The following PSD3 variants were observed in gnomAD, a reference collection of about 807,000 sequenced individuals.
The protein encoded by PSD3 is PH and SEC7 domain-containing protein 3.
Under a neutral mutation model 105.5 loss-of-function variants are expected in PSD3, and 49 were observed. That is an observed-to-expected ratio of 0.46 (90% confidence interval 0.37 to 0.59). The LOEUF (loss-of-function observed/expected upper bound fraction) is 0.59, where lower values mean the gene tolerates loss of function less well. PSD3 is among the 20% of genes least tolerant of loss of function. The pLI, the probability that PSD3 is intolerant of heterozygous loss-of-function variation, is 0.00. For missense variants in PSD3, 1,561 were observed against 1,263.8 expected, an observed-to-expected ratio of 1.24 and a Z score of -3.57; for synonymous variants, 557 against 457.8, an observed-to-expected ratio of 1.22 and a Z score of -2.77.
At chr8:18,990,822 C>T (rs1239377805) in intron 1 of PSD3, among the ~76,000 whole-genome samples, 1 of 152,182 alleles carries the variant, frequency 6.6e-6, no homozygotes, top group Non-Finnish European at 1.5e-5. Flanking sequence ...ATCACATTCA[C>T]GAACAGATCA....
chr8:18,851,339 C>A (rs1815543987), intron 4 of PSD3, among the ~76,000 whole-genome samples: 1 of 152,172 alleles, frequency 6.6e-6, no homozygotes, highest in African/African-American at 2.4e-5. Context: ...TACCTCCACC[C>A]AAAGATATTC....
chr8:18,850,805 G>A (rs1010707212), intron 4 of PSD3, among the ~76,000 whole-genome samples: 19 of 152,142 alleles, frequency 1.2e-4, no homozygotes, highest in African/African-American at 4.3e-4. Flanking sequence ...AGCAGAGTTG[G>A]ACCAACAGAG....
At chr8:18,879,834 G>C (rs1371795171) in intron 2 of PSD3, among the ~76,000 whole-genome samples, 1 of 13,192 alleles carries the variant, frequency 7.6e-5, no homozygotes, top group Non-Finnish European at 1.3e-4. Context: ...CTGGGCTCAA[G>C]TGATCCTCCC....
intron 9 of PSD3, among the ~76,000 whole-genome samples, chr8:18,659,029 G>C (rs982954839): frequency 2.6e-5 from 4 of 152,130 alleles, no homozygotes. Flanking sequence ...TAGAGGTTCA[G>C]TTCACCTATC....
rs1176340076 is a variant in PSD3, at chr8:18,529,755, A to C, written c.*5988T>G. The stretch of plus-strand genomic sequence containing the variant: ...TTATGTTTAAAGTCCAAACATTTCA[A>C]ATGGTTAAGGCCCAAAAATGAAACG... On this transcript the variant is annotated 3_prime_UTR_variant, in exon 16 of 16. Transcript: ENST00000327040. 6.6e-6 allele frequency: 1 copy of C among 152,628 alleles called. No homozygotes were observed. The highest frequency in any genetic ancestry group is 6.5e-5 in the Admixed American group (1 of 15,280). 9.5% of individuals were successfully genotyped at this position (152,628 alleles called of 1,614,324 possible). A position where few individuals can be genotyped will look rare whatever the true frequency, so the allele number is the denominator to read the frequency against.
chr8:18,822,583 A>G (rs990110848), intron 4 of PSD3, among the ~76,000 whole-genome samples: 3 of 152,220 alleles, frequency 2.0e-5, no homozygotes, highest in East Asian at 1.9e-4. Flanking sequence ...TCCTACGCCA[A>G]TATCTCCCTA....
upstream of PSD3, among the ~76,000 whole-genome samples, chr8:19,015,618 A>G (rs907818993): frequency 2.6e-5 from 4 of 152,228 alleles, no homozygotes; most frequent in Non-Finnish European, 5.9e-5. Context: ...CAAACAAAAA[A>G]AAGTAATCAT....
chr8:18,786,198 C>T (rs539131474), intron 8 of PSD3, among the ~76,000 whole-genome samples: 4 of 152,024 alleles, frequency 2.6e-5, no homozygotes, highest in African/African-American at 4.8e-5. Context: ...AGCGAGACTC[C>T]GTTTCAAACA....
At chr8:19,067,684 T>C (rs1234749531) in intron 1 of PSD3, among the ~76,000 whole-genome samples, 2 of 152,136 alleles carry the variant, frequency 1.3e-5, no homozygotes, top group Non-Finnish European at 2.9e-5. Flanking sequence ...TGTTGTCTTA[T>C]GAACTGCAGG....
At chr8:18,821,882 ACAC>A in intron 4 of PSD3, among the ~76,000 whole-genome samples, 2 of 151,372 alleles carry the variant, frequency 1.3e-5, no homozygotes, top group Admixed American at 1.3e-4. Flanking sequence ...CCACACACAC[ACAC>A]ACACACACAC....
intron 14 of PSD3, 124 bp from the exon 15 acceptor site, chr8:18,556,476 T>G: frequency 1.1e-6 from 1 of 924,446 alleles, no homozygotes; most frequent in Admixed American, 2.5e-5. Flanking sequence ...CCAATGTGCC[T>G]CTGCTGCCAC....
intron 2 of PSD3, among the ~76,000 whole-genome samples, chr8:18,889,995 A>C (rs1818681499): frequency 6.6e-6 from 1 of 152,228 alleles, no homozygotes; most frequent in Non-Finnish European, 1.5e-5. Flanking sequence ...AAAGTAATAT[A>C]AACAGGCAAG....
intron 15 of PSD3, among the ~76,000 whole-genome samples, chr8:18,543,978 G>A (rs567002377): frequency 5.7e-4 from 87 of 152,032 alleles, no homozygotes; most frequent in Non-Finnish European, 9.1e-4. Flanking sequence ...TTAACTGACT[G>A]CTCCTATTTG....
intron 8 of PSD3, among the ~76,000 whole-genome samples, chr8:18,768,571 C>A (rs532477192): frequency 6.5e-4 from 99 of 152,220 alleles, no homozygotes; most frequent in African/African-American, 2.2e-3. Context: ...CATTCCAGCT[C>A]GGGTAACAGA....
intron 14 of PSD3, among the ~76,000 whole-genome samples, chr8:18,561,816 C>T (rs563945683): frequency 6.6e-6 from 1 of 152,210 alleles, no homozygotes; most frequent in Admixed American, 6.5e-5. Context: ...CTTAACTGAT[C>T]AGGCAATGGG....
At chr8:19,034,221 T>C (rs1174195847) in intron 1 of PSD3, among the ~76,000 whole-genome samples, 2 of 152,180 alleles carry the variant, frequency 1.3e-5, no homozygotes, top group Non-Finnish European at 2.9e-5. Flanking sequence ...GTTTGCTCTC[T>C]ATAATACCAT....
rs532706681 is a variant in PSD3, at chr8:18,783,823, T to C, written c.2082+15472A>G. ...AATTTTTTGTATTCTGAAGTAGAGA[T>C]GGCATTTCACCATGTTGGCCAGGCT... On this transcript the variant is annotated intron_variant, in intron 8 of 15. Transcript: ENST00000327040. Among the ~76,000 whole-genome samples the C allele has an allele frequency of 2.0e-5, 3 of 152,232 alleles. No individual in the cohort carries two copies. In the East Asian group the frequency reaches 5.8e-4, roughly 30 times the overall value.
At chr8:18,959,494 C>T (rs573209451) in intron 1 of PSD3, among the ~76,000 whole-genome samples, 4 of 152,222 alleles carry the variant, frequency 2.6e-5, no homozygotes, top group African/African-American at 7.2e-5. Context: ...ACATCTGACT[C>T]CAGTCTCCTA....
intron 8 of PSD3, among the ~76,000 whole-genome samples, chr8:18,775,313 C>A (rs912662980): frequency 6.6e-6 from 1 of 152,124 alleles, no homozygotes; most frequent in Non-Finnish European, 1.5e-5. Context: ...AATAGTACTA[C>A]AATAAACATG....
Sources: gnomAD v4.1 joint callset for allele counts (sites outside exome capture counted in the v4.1 genomes callset) on GRCh38, gnomAD v4.1.1 for gene constraint, MANE v1.5 for transcripts, NCBI Gene and HGNC (gene_info 2026-07-23, HGNC 2026-07-21) for gene names.